Variants in B3GAT2 observed in about 807,000 individuals in gnomAD.
B3GAT2 encodes the protein galactosylgalactosylxylosylprotein 3-beta-glucuronosyltransferase 2.
In B3GAT2, 26 loss-of-function variants were observed where a neutral mutation model predicts 27.8. The ratio of observed to expected loss-of-function variants is 0.93; its 90% CI spans 0.68 to 1.30. The LOEUF is 1.30. Ranked by LOEUF, B3GAT2 falls within the 50% of genes most tolerant of loss-of-function variation. The probability of loss-of-function intolerance (pLI) is 0.00; values close to 1 mark genes in which losing one functional copy is unlikely to be tolerated. For missense variants in B3GAT2, 458 were observed against 459.0 expected, an observed-to-expected ratio of 1.00 and a Z score of 0.02; for synonymous variants, 218 against 195.1, an observed-to-expected ratio of 1.12 and a Z score of -0.98.
At chr6:70,948,923 G>T (rs1765534824) in intron 1 of B3GAT2, among the ~76,000 whole-genome samples, 1 of 151,970 alleles carries the variant, frequency 6.6e-6, no homozygotes, top group Non-Finnish European at 1.5e-5. Flanking sequence ...ACAACTATCT[G>T]ATCTTTGACA....
intron 2 of B3GAT2, among the ~76,000 whole-genome samples, chr6:70,891,291 T>C (rs1207731642): frequency 6.6e-6 from 1 of 152,220 alleles, no homozygotes; most frequent in Non-Finnish European, 1.5e-5. Context: ...TCTTTCCATC[T>C]TGTGGGCAGG....
chr6:70,918,924 G>T (rs1416539356), intron 1 of B3GAT2, among the ~76,000 whole-genome samples: 1 of 152,110 alleles, frequency 6.6e-6, no homozygotes, highest in African/African-American at 2.4e-5. Flanking sequence ...TGTATTTCCT[G>T]AATTTGAATG....
rs79444094 is a variant in B3GAT2 at position 70,877,021 on chromosome 6, A to T, written c.737-15043T>A. 6.8e-3 allele frequency among the ~76,000 whole-genome samples: 1,032 copies of T among 152,340 alleles called. 4 individuals are homozygous for T. Among genetic ancestry groups the T allele is most frequent in the Non-Finnish European group, 0.011 (728 of 68,028 alleles). ...TAGGCTGGAGCAGCAATGATGGGTG[A>T]CAAGGCTGTCAAGTTGCTTGTGCCC... On this transcript the variant is annotated intron_variant, in intron 2 of 3. Coordinates refer to ENST00000230053, the MANE Select transcript of B3GAT2 (RefSeq NM_080742.3).
chr6:70,879,790 T>C (rs1772070379), intron 2 of B3GAT2, among the ~76,000 whole-genome samples: 1 of 152,018 alleles, frequency 6.6e-6, no homozygotes, highest in Admixed American at 6.6e-5. Flanking sequence ...GGAAAGAGCC[T>C]TCCAGGCAGA....
At chr6:70,940,421 G>A (rs1765371989) in intron 1 of B3GAT2, among the ~76,000 whole-genome samples, 1 of 151,940 alleles carries the variant, frequency 6.6e-6, no homozygotes, top group African/African-American at 2.4e-5. Flanking sequence ...AACAGGTGCT[G>A]GTCAGAAGAA....
chr6:70,914,856 C>T (rs1034333987), intron 1 of B3GAT2, among the ~76,000 whole-genome samples: 1 of 152,090 alleles, frequency 6.6e-6, no homozygotes, highest in Non-Finnish European at 1.5e-5. Flanking sequence ...AATAGTGCTG[C>T]AATAAACATA....
At chr6:70,897,667 AAAAATAT>A (rs764889258) in intron 1 of B3GAT2, among the ~76,000 whole-genome samples, 41 of 87,602 alleles carry the variant, frequency 4.7e-4, no homozygotes, top group African/African-American at 1.5e-3. Context: ...TGAAAAAAAA[AAAAATAT>A]ATATATATAT....
In B3GAT2 at chr6:70,871,766, C is replaced by T. The variant is rs930715444; in HGVS notation, c.737-9788G>A. ...TTATTTTGAGTTTACTCTTCTTTTT[C>T]TGTTTTTTTATGGCAGAAGGTTAGG... is the stretch of plus-strand genomic sequence containing the variant. On this transcript the variant is annotated intron_variant, in intron 2 of 3. Transcript: ENST00000230053. Among the ~76,000 whole-genome samples the T allele has an allele frequency of 2.6e-5, 4 of 151,476 alleles. No individual in the cohort carries two copies. In the South Asian group the frequency reaches 6.2e-4, roughly 24 times the overall value.
intron 1 of B3GAT2, among the ~76,000 whole-genome samples, chr6:70,939,612 T>C (rs535130962): frequency 7.2e-5 from 11 of 151,736 alleles, no homozygotes; most frequent in South Asian, 6.3e-4. Context: ...ATGGATGAAA[T>C]TGGAAATCAT....
intron 1 of B3GAT2, among the ~76,000 whole-genome samples, chr6:70,925,944 G>T (rs200882590): frequency 6.6e-6 from 1 of 152,190 alleles, no homozygotes; most frequent in Non-Finnish European, 1.5e-5. Flanking sequence ...TGAGATGAAG[G>T]TTCCAGAGGA....
chr6:70,885,553 T>C (rs764322310), intron 2 of B3GAT2, among the ~76,000 whole-genome samples: 2 of 152,122 alleles, frequency 1.3e-5, no homozygotes, highest in Non-Finnish European at 2.9e-5. Flanking sequence ...AGCCAATTCA[T>C]TGAATGATAA....
chr6:70,868,050 G>A (rs1411213020), intron 2 of B3GAT2, among the ~76,000 whole-genome samples: 1 of 151,930 alleles, frequency 6.6e-6, no homozygotes, highest in Non-Finnish European at 1.5e-5. Context: ...AAAAAAATCT[G>A]ACTATCACAA....
chr6:70,921,481 AT>A (rs1229591607), intron 1 of B3GAT2, among the ~76,000 whole-genome samples: 1 of 152,076 alleles, frequency 6.6e-6, no homozygotes, highest in African/African-American at 2.4e-5. Context: ...TAAAATGGCT[AT>A]TTCGTTTCAT....
At chr6:70,891,115 T>G (rs1772281439) in intron 2 of B3GAT2, among the ~76,000 whole-genome samples, 1 of 152,182 alleles carries the variant, frequency 6.6e-6, no homozygotes, top group Non-Finnish European at 1.5e-5. Flanking sequence ...TTTGGTGGAC[T>G]TCCTCACTTT....
chr6:70,955,127 A>G (rs1160707018), intron 1 of B3GAT2, among the ~76,000 whole-genome samples: 1 of 151,568 alleles, frequency 6.6e-6, no homozygotes, highest in Non-Finnish European at 1.5e-5. Flanking sequence ...TGCAAAAAAG[A>G]CGTAACCACA....
chr6:70,873,675 C>T (rs1468281972), intron 2 of B3GAT2, among the ~76,000 whole-genome samples: 1 of 151,878 alleles, frequency 6.6e-6, no homozygotes, highest in East Asian at 1.9e-4. Context: ...TTTTCTACGA[C>T]TCATAATATG....
At chr6:70,941,426 A>T (rs987814816) in intron 1 of B3GAT2, among the ~76,000 whole-genome samples, 4 of 152,128 alleles carry the variant, frequency 2.6e-5, no homozygotes, top group African/African-American at 7.2e-5. Context: ...GGATTTGAAC[A>T]TGGGCTGTTA....
chr6:70,949,060 C>T (rs1427560864), intron 1 of B3GAT2, among the ~76,000 whole-genome samples: 19 of 152,088 alleles, frequency 1.2e-4, no homozygotes, highest in African/African-American at 4.3e-4. Context: ...AAAATTAATT[C>T]AAGATGGAAA....
intron 1 of B3GAT2, among the ~76,000 whole-genome samples, chr6:70,955,212 G>T (rs1765634698): frequency 6.7e-6 from 1 of 149,060 alleles, no homozygotes; most frequent in Non-Finnish European, 1.5e-5. Flanking sequence ...GGTCAGAAAA[G>T]ACTTTTGTGA....
Sources: allele counts gnomAD v4.1 joint callset (sites outside exome capture counted in the v4.1 genomes callset), GRCh38; gene constraint gnomAD v4.1.1; transcripts MANE v1.5; gene names NCBI Gene and HGNC (gene_info 2026-07-23, HGNC 2026-07-21).